The following CLCN7 variants were observed in gnomAD, a reference collection of about 807,000 sequenced individuals.
CLCN7 encodes the protein H(+)/Cl(-) exchange transporter 7.
CLCN7 carries 60 observed loss-of-function variants against 102.1 expected under a neutral mutation model. That is an observed-to-expected ratio of 0.59 (90% confidence interval 0.48 to 0.73). The LOEUF (loss-of-function observed/expected upper bound fraction) is 0.73, where lower values mean the gene tolerates loss of function less well. Ranked by LOEUF, CLCN7 falls within the 30% of genes least tolerant of loss-of-function variation. The pLI is 0.00. For missense variants in CLCN7, 962 were observed against 1,125.7 expected (o/e 0.85, Z 2.08); for synonymous variants, 560 against 490.5 (o/e 1.14, Z -1.87).
intron 1 of CLCN7, chr16:1,474,260 G>T (rs28550432): frequency 0.53 from 240,001 of 454,816 alleles, 66,300 homozygotes; most frequent in African/African-American, 0.78. Context: ...AACTCGGTGC[G>T]AAGGGAGACT....
intron 11 of CLCN7, 132 bp downstream of exon 11, chr16:1,455,599 A>G: frequency 2.0e-6 from 2 of 978,672 alleles, no homozygotes; most frequent in Non-Finnish European, 3.2e-6. Flanking sequence ...GGGCAGGACC[A>G]AGGCCTGACA....
chr16:1,447,711 C>T lies in CLCN7; in HGVS notation c.2017G>A (p.Ala673Thr), dbSNP rs1414538678. The T allele has an allele frequency of 6.4e-7, 1 of 1,553,228 alleles. No individual in the cohort carries two copies. Among genetic ancestry groups the T allele is most frequent in the Admixed American group, 1.9e-5 (1 of 51,448 alleles). The change falls in exon 22 of 25, where the codon GCC becomes ACC. Residue 673 changes from alanine (A) to threonine (T), a missense_variant. Transcript: ENST00000382745. ...VVEHADDTQP[A>T]RLQGLILRSQ... ...CGCAGGATCAGGCCCTGGAGCCGGG[C>T]AGGCTGCAAGACAGGCCCGCGGTCA... is the stretch of plus-strand genomic sequence containing the variant.
chr16:1,447,009 A>G lies in CLCN7; in HGVS notation c.2328T>C (p.Asn776=). ...CACCCCCACCGCCCCCGCTCACCTG[A>G]TTGCGGTTGTCCACCACCACCAGGT... ...LRHLVVVDNR[N]QVVGLVTRKD... is the part of the protein sequence containing the mutation. The change falls in exon 24 of 25, where the codon AAT becomes AAC. Residue 776 remains asparagine, a synonymous_variant. Coordinates refer to ENST00000382745, the MANE Select transcript of CLCN7 (RefSeq NM_001287.6). 1 of 1,593,630 alleles carries G rather than the reference A, an allele frequency of 6.3e-7. No homozygotes were observed.
At chr16:1,468,339 G>A (rs1279098890) in intron 1 of CLCN7, among the ~76,000 whole-genome samples, 1 of 152,350 alleles carries the variant, frequency 6.6e-6, no homozygotes, top group Non-Finnish European at 1.5e-5. Context: ...CCCCAGCAGG[G>A]CATCAGCTGC....
intron 1 of CLCN7, among the ~76,000 whole-genome samples, chr16:1,472,108 C>A (rs113542437): frequency 6.6e-6 from 1 of 152,272 alleles, no homozygotes; most frequent in Admixed American, 6.5e-5. Flanking sequence ...CAGCTTTATG[C>A]GCCTGCGTCC....
Position 1,448,708 on chromosome 16 carries a change from G to A in CLCN7, c.1856C>T (p.Pro619Leu), listed in dbSNP as rs1372117927. 9 of 1,612,610 alleles carry A rather than the reference G, an allele frequency of 5.6e-6. No individual in the cohort carries two copies. Among genetic ancestry groups the A allele is most frequent in the Non-Finnish European group, 7.6e-6 (9 of 1,179,948 alleles). ...GGCAGTGAGTGAGTGTGAGGTGACC[G>A]GGGCCTCCCAGTGCAGGAAGGGCAC... is the stretch of plus-strand genomic sequence containing the variant. The part of the protein sequence containing the change: ...QSVPFLHWEA[P>L]VTSHSLTARE... The change falls in exon 20 of 25, where the codon CCG (proline) becomes CTG (leucine). Residue 619 changes from proline (P) to leucine (L), a missense_variant. Around this residue, in one of 2 missense-constraint regions of CLCN7, gnomAD observed 799 missense variants for 988.0 expected, o/e 0.81. Transcript: ENST00000382745.
In CLCN7 at chr16:1,447,103, G is replaced by A; in HGVS notation, c.2251-17C>T. 1 of 1,583,712 alleles carries A rather than the reference G, an allele frequency of 6.3e-7. No homozygotes were observed. ...CGACGCCTCCTGCAGCAGGGGCACA[G>A]CTGTCAGTGCCCGCCCACACAGCAG... On this transcript the variant is annotated splice_polypyrimidine_tract_variant and intron_variant, in intron 23 of 24. Coordinates refer to ENST00000382745, the MANE Select transcript of CLCN7 (RefSeq NM_001287.6).
Position 1,446,536 on chromosome 16 carries a change from G to T in CLCN7, c.*95C>A. 1 of 1,170,602 alleles carries T rather than the reference G, an allele frequency of 8.5e-7. No homozygotes were observed. Among genetic ancestry groups the T allele is most frequent in the Non-Finnish European group, 1.2e-6 (1 of 803,842 alleles). The allele number at this position is 1,170,602 out of a possible 1,614,324, so 72.5% of individuals were successfully genotyped here. On this transcript the variant is annotated 3_prime_UTR_variant, in exon 25 of 25. Transcript: ENST00000382745. ...GGTGCTCGCCATTGCCACTGCTGGGGAGCATGGTTTGGGCCGAGAAACCAG... is the reference window on the plus strand; with the variant it reads ...GGTGCTCGCCATTGCCACTGCTGGGTAGCATGGTTTGGGCCGAGAAACCAG...
At position 1,451,179 on chromosome 16, in the gene CLCN7, G is replaced by A. The variant is rs8044818; in HGVS notation, c.1447+444C>T. On this transcript the variant is annotated intron_variant, in intron 16 of 24. Transcript: ENST00000382745. ...ACTTGTGGTCGAGCGAGGCCAGGCC[G>A]TGGTCTTGGTGTGGGAGTCACCAGG... Among the ~76,000 whole-genome samples, 702 of 152,344 alleles carry A rather than the reference G, an allele frequency of 4.6e-3. 6 individuals carry two copies. The highest frequency in any genetic ancestry group is 0.016 in the African/African-American group (646 of 41,582).
chr16:1,451,550 G>A (rs2038751013), intron 16 of CLCN7, 73 bp downstream of exon 16: 1 of 1,336,100 alleles, frequency 7.5e-7, no homozygotes, highest in Non-Finnish European at 1.1e-6. Flanking sequence ...TCAGCCCACA[G>A]GGGACACTCA....
chr16:1,460,844 A>G lies in CLCN7; in HGVS notation c.456T>C (p.Ala152=), dbSNP rs765647392. The G allele has an allele frequency of 6.2e-7, 1 of 1,614,044 alleles. No homozygotes were observed. Among genetic ancestry groups the G allele is most frequent in the Non-Finnish European group, 8.5e-7 (1 of 1,179,950 alleles). Residue 152 remains alanine, a synonymous_variant, in exon 5 of 25, where the codon GCT becomes GCC. Transcript: ENST00000382745. ...CCTTGATGACCCTGTACTTGAGGCC[A>G]GCCAGGTTTTCCACCACGATGTCAA... is the stretch of plus-strand genomic sequence containing the variant. ...CFIDIVVENL[A]GLKYRVIKGN...
chr16:1,467,084 G>A (rs1257925258), intron 1 of CLCN7, among the ~76,000 whole-genome samples: 1 of 151,976 alleles, frequency 6.6e-6, no homozygotes, highest in Non-Finnish European at 1.5e-5. Context: ...GCAGGGGAAG[G>A]AACCTGGGCA....
At chr16:1,447,360 G>A (rs767040778) in intron 23 of CLCN7, 32 bp downstream of exon 23, 3 of 1,534,172 alleles carry the variant, frequency 2.0e-6, no homozygotes, top group Non-Finnish European at 8.8e-7. Context: ...TCAGTCCCAG[G>A]CCCCACGCCC....
intron 7 of CLCN7, among the ~76,000 whole-genome samples, chr16:1,458,082 G>A (rs1020218412): frequency 1.3e-5 from 2 of 152,222 alleles, no homozygotes; most frequent in African/African-American, 2.4e-5. Context: ...CGCCAGCGTG[G>A]CCAGCACAGG....
At chr16:1,466,277 C>T (rs1013006041) in intron 1 of CLCN7, among the ~76,000 whole-genome samples, 4 of 152,212 alleles carry the variant, frequency 2.6e-5, no homozygotes, top group African/African-American at 9.6e-5. Context: ...GCCCTCCCGG[C>T]CCCCAACGCC....
At position 1,449,551 on chromosome 16, in the gene CLCN7, G is replaced by C. The variant is rs976136709; in HGVS notation, c.1618-224C>G. 4 of 603,462 alleles carry C rather than the reference G, an allele frequency of 6.6e-6. No individual in the cohort carries two copies. The African/African-American group carries it at 7.4e-5, about 11-fold the overall frequency. The allele number at this position is 603,462 out of a possible 1,614,324, so 37.4% of individuals were successfully genotyped here. A position where few individuals can be genotyped will look rare whatever the true frequency, so the allele number is the denominator to read the frequency against. ...TCAGCACCCGAGCAACAGGGGAGTG[G>C]CAGGCATGGAGGATGCAGAGGGCAC... On this transcript the variant is annotated intron_variant, in intron 17 of 24. Coordinates refer to ENST00000382745, the MANE Select transcript of CLCN7 (RefSeq NM_001287.6).
chr16:1,452,758 C>A lies in CLCN7; in HGVS notation c.1350G>T (p.Leu450=). The part of the protein sequence containing the change: ...PLQGGSMSYP[L]QLFCADGEYN... ...CCGCCCGGGCCCAGCCTCCCACCTG[C>A]AGCGGGTAGGACATGGAGCCCCCCT... is the stretch of plus-strand genomic sequence containing the variant. The change falls in exon 15 of 25, where the codon CTG becomes CTT. Residue 450 remains leucine, a synonymous_variant. Coordinates refer to ENST00000382745, the MANE Select transcript of CLCN7 (RefSeq NM_001287.6). 6.3e-7 allele frequency: 1 copy of A among 1,597,136 alleles called. No homozygotes were observed. Among genetic ancestry groups the A allele is most frequent in the Non-Finnish European group, 8.5e-7 (1 of 1,172,378 alleles).
At chr16:1,455,970 C>G (rs2038828916) in intron 10 of CLCN7, 143 bp downstream of exon 10, 1 of 975,918 alleles carries the variant, frequency 1.0e-6, no homozygotes, top group Non-Finnish European at 1.5e-6. Context: ...GACCCAAGTA[C>G]ACTGCCGGCC....
At chr16:1,468,287 C>T (rs1040477007) in intron 1 of CLCN7, among the ~76,000 whole-genome samples, 6 of 152,210 alleles carry the variant, frequency 3.9e-5, no homozygotes, top group South Asian at 2.1e-4. Context: ...CCACCGCCGC[C>T]GCCTTGGCAG....
Sources: gnomAD v4.1 joint callset for allele counts (sites outside exome capture counted in the v4.1 genomes callset) on GRCh38, gnomAD v4.1.1 for gene constraint, gnomAD v4.1.1 regional missense constraint, MANE v1.5 for transcripts, NCBI Gene and HGNC (gene_info 2026-07-23, HGNC 2026-07-21) for gene names.